VTI1A: variants seen among roughly 807,000 people sequenced by gnomAD.
VTI1A encodes the protein vesicle transport through interaction with t-SNAREs 1A, also known as vesicle transport through interaction with t-SNAREs homolog 1A.
In VTI1A, 22 loss-of-function variants were observed where a neutral mutation model predicts 34.9. The ratio of observed to expected loss-of-function variants is 0.63; its 90% CI spans 0.45 to 0.90. VTI1A has a LOEUF of 0.90. Among genes scored for constraint, VTI1A ranks in the 40% least tolerant of loss-of-function variants. The probability of loss-of-function intolerance (pLI) is 0.00; values close to 1 mark genes in which losing one functional copy is unlikely to be tolerated. For synonymous variants in VTI1A, 87 were observed against 97.3 expected (o/e 0.89, Z 0.62); for missense variants, 268 against 275.6 (o/e 0.97, Z 0.20).
intron 7 of VTI1A, among the ~76,000 whole-genome samples, chr10:112,697,978 A>G (rs1848857041): frequency 6.6e-6 from 1 of 150,696 alleles, no homozygotes; most frequent in Admixed American, 6.6e-5. Context: ...ATTCTTTTTT[A>G]AGTGACATCC....
At chr10:112,709,384 TGG>T (rs1849320284) in intron 7 of VTI1A, among the ~76,000 whole-genome samples, 1 of 152,160 alleles carries the variant, frequency 6.6e-6, no homozygotes. Context: ...CCTGGTGCTG[TGG>T]GCTGGCCTAG....
chr10:112,639,382 C>G (rs560526570), intron 5 of VTI1A, among the ~76,000 whole-genome samples: 5 of 152,254 alleles, frequency 3.3e-5, no homozygotes, highest in African/African-American at 9.6e-5. Flanking sequence ...TAGACAATTA[C>G]TAATTGGATA....
At position 112,589,542 on chromosome 10, in the gene VTI1A, G is replaced by T. The variant is rs145994653; in HGVS notation, c.427+51212G>T. On this transcript the variant is annotated intron_variant, in intron 5 of 7. Coordinates refer to ENST00000393077, the MANE Select transcript of VTI1A (RefSeq NM_145206.4). ...CCACGTGAAAACGAACTAATACAGG[G>T]GAAAAAAGGAGGGGATATGAATTCT... Among the ~76,000 whole-genome samples, 353 of 151,776 alleles carry T rather than the reference G, an allele frequency of 2.3e-3. 1 individual carries two copies. Among genetic ancestry groups the T allele is most frequent in the African/African-American group, 7.8e-3 (323 of 41,426 alleles).
chr10:112,518,597 A>C (rs913931522), intron 3 of VTI1A, among the ~76,000 whole-genome samples: 82 of 141,446 alleles, frequency 5.8e-4, no homozygotes, highest in Non-Finnish European at 1.1e-3. Flanking sequence ...CTCTATATAT[A>C]TATATATATA....
chr10:112,590,248 A>T (rs902631151), intron 5 of VTI1A, among the ~76,000 whole-genome samples: 5 of 152,216 alleles, frequency 3.3e-5, no homozygotes, highest in Non-Finnish European at 7.3e-5. Flanking sequence ...ATGTATACTT[A>T]GTGAATCAGA....
chr10:112,818,361 A>G lies in VTI1A; in HGVS notation c.*2978A>G. On this transcript the variant is annotated 3_prime_UTR_variant, in exon 8 of 8. Coordinates refer to ENST00000393077, the MANE Select transcript of VTI1A (RefSeq NM_145206.4). ...TCAGTGATTGGGTTTTCATTACCAA[A>G]CAGCATCCAGAGATTATCAACCCAT... 4.3e-6 allele frequency: 1 copy of G among 232,758 alleles called. No individual in the cohort carries two copies. Among genetic ancestry groups the G allele is most frequent in the Admixed American group, 5.6e-5 (1 of 17,778 alleles). 14.4% of individuals were successfully genotyped at this position (232,758 alleles called of 1,614,324 possible).
chr10:112,668,265 A>G lies in VTI1A; in HGVS notation c.475A>G (p.Lys159Glu), dbSNP rs1847716820. 1.9e-6 allele frequency: 3 copies of G among 1,612,712 alleles called. No homozygotes were observed. The highest frequency in any genetic ancestry group is 2.5e-6 in the Non-Finnish European group (3 of 1,179,076). Residue 159 changes from lysine to glutamate, a missense_variant, in exon 6 of 8, where the codon AAG (lysine) becomes GAG (glutamate). Physicochemically the swap from Lys to Glu is moderately conservative, Grantham distance 56. Transcript: ENST00000393077. ...GGAAAACCTTAGTCATGACAGAGAA[A>G]AGATACAGCGAGCACGTGAAAGAGT... ...MLENLSHDRE[K>E]IQRARERLRE...
chr10:112,818,664 A>G lies in VTI1A; in HGVS notation c.*3281A>G, dbSNP rs910914608. The G allele has an allele frequency of 1.4e-5, 3 of 214,524 alleles. No individual in the cohort carries two copies. The highest frequency in any genetic ancestry group is 6.8e-5 in the African/African-American group (3 of 44,290). 13.3% of individuals were successfully genotyped at this position (214,524 alleles called of 1,614,324 possible). ...ATTGCCAGCAACTTGGCGCCTGTTTAGACGTTTTTATTTTCTTTCATTATT... is the reference window on the plus strand; with the variant it reads ...ATTGCCAGCAACTTGGCGCCTGTTTGGACGTTTTTATTTTCTTTCATTATT... On this transcript the variant is annotated 3_prime_UTR_variant, in exon 8 of 8. Coordinates refer to ENST00000393077, the MANE Select transcript of VTI1A (RefSeq NM_145206.4).
chr10:112,664,774 G>A (rs952095835), intron 5 of VTI1A, among the ~76,000 whole-genome samples: 3 of 152,122 alleles, frequency 2.0e-5, no homozygotes, highest in Non-Finnish European at 4.4e-5. Flanking sequence ...GTGTTTGAGA[G>A]CTCTACTCCC....
At chr10:112,503,974 C>T (rs919818899) in intron 3 of VTI1A, among the ~76,000 whole-genome samples, 7 of 152,156 alleles carry the variant, frequency 4.6e-5, no homozygotes, top group African/African-American at 1.7e-4. Context: ...GGGATTCCTT[C>T]TTTTTCCCTT....
intron 7 of VTI1A, among the ~76,000 whole-genome samples, chr10:112,695,127 G>A (rs943907744): frequency 6.6e-6 from 1 of 152,072 alleles, no homozygotes; most frequent in African/African-American, 2.4e-5. Flanking sequence ...ATTTCCAAAA[G>A]TGAAAAGTTC....
intron 7 of VTI1A, among the ~76,000 whole-genome samples, chr10:112,778,612 T>C (rs1051945184): frequency 6.6e-6 from 1 of 151,200 alleles, no homozygotes; most frequent in African/African-American, 2.4e-5. Flanking sequence ...CTTGGGAGGG[T>C]TTTTTAAAAT....
rs1008580869 is a variant in VTI1A at position 112,767,991 on chromosome 10, C to T, written c.561-47299C>T. Among the ~76,000 whole-genome samples the T allele has an allele frequency of 7.5e-5, 11 of 145,816 alleles. No homozygotes were observed. Among genetic ancestry groups the T allele is most frequent in the African/African-American group, 2.9e-4 (11 of 38,484 alleles). On this transcript the variant is annotated intron_variant, in intron 7 of 7. Transcript: ENST00000393077. This position sits in a 1 kb window ranked among gnomAD's most constrained non-coding sequence, Gnocchi z 4.0. ...CTTGGATCCTCATGCCTTTCCTGGA[C>T]TTCTGTGCTCCTATCTGCTCCTTCC...
intron 7 of VTI1A, among the ~76,000 whole-genome samples, chr10:112,784,812 T>A (rs1319128799): frequency 6.6e-6 from 1 of 152,086 alleles, no homozygotes; most frequent in East Asian, 1.9e-4. Flanking sequence ...ACGAAAAAAA[T>A]TTGGAGTATA....
intron 5 of VTI1A, among the ~76,000 whole-genome samples, chr10:112,545,988 ATATACGTGTATACGCGTATGTGTGTG>A (rs1166881945): frequency 7.0e-6 from 1 of 143,358 alleles, no homozygotes; most frequent in Non-Finnish European, 1.5e-5. Flanking sequence ...ATGTGTGTGT[ATATACGTGTATACGCGTATGTGTGTG>A]TATATACGTG....
intron 5 of VTI1A, among the ~76,000 whole-genome samples, chr10:112,583,126 G>A (rs894087889): frequency 2.0e-5 from 3 of 152,194 alleles, no homozygotes; most frequent in African/African-American, 7.2e-5. Context: ...AAAAGGATAA[G>A]CGATGATCAA....
At chr10:112,570,242 A>G (rs936773059) in intron 5 of VTI1A, among the ~76,000 whole-genome samples, 9 of 151,948 alleles carry the variant, frequency 5.9e-5, no homozygotes, top group South Asian at 2.1e-4. Context: ...GCTGTGTACA[A>G]AATTTTTTTT....
intron 1 of VTI1A, among the ~76,000 whole-genome samples, chr10:112,459,804 A>G (rs1847669746): frequency 6.6e-6 from 1 of 152,206 alleles, no homozygotes; most frequent in Non-Finnish European, 1.5e-5. Flanking sequence ...GTTGGGTTAT[A>G]ACTTGATTGT....
chr10:112,665,706 T>C (rs1338226158), intron 5 of VTI1A, among the ~76,000 whole-genome samples: 2 of 152,172 alleles, frequency 1.3e-5, no homozygotes, highest in Admixed American at 1.3e-4. Flanking sequence ...GAAGGATGAA[T>C]CTATTACCTG....
Sources: allele counts gnomAD v4.1 joint callset (sites outside exome capture counted in the v4.1 genomes callset), GRCh38; gene constraint gnomAD v4.1.1; non-coding constraint Gnocchi (gnomAD v3.1); transcripts MANE v1.5; gene names NCBI Gene and HGNC (gene_info 2026-07-23, HGNC 2026-07-21).